BTBD10: variants seen among roughly 807,000 people sequenced by gnomAD.
The protein encoded by BTBD10 is BTB/POZ domain-containing protein 10.
In BTBD10, 21 loss-of-function variants were observed where a neutral mutation model predicts 53.2. The ratio of observed to expected loss-of-function variants is 0.39; its 90% confidence interval spans 0.28 to 0.57. The LOEUF is 0.57. Ranked by LOEUF, BTBD10 falls within the 20% of genes least tolerant of loss-of-function variation. BTBD10 has a pLI of 0.53. For synonymous variants in BTBD10, 149 were observed against 192.7 expected (o/e 0.77, Z 1.88); for missense variants, 360 against 594.7 (o/e 0.61, Z 4.10).
In BTBD10 at chr11:13,445,041, T is replaced by A. The variant is rs754626530; in HGVS notation, c.84A>T (p.Lys28Asn). 1 of 1,611,474 alleles carries A rather than the reference T, an allele frequency of 6.2e-7. No individual in the cohort carries two copies. The highest frequency in any genetic ancestry group is 1.1e-5 in the South Asian group (1 of 90,998). ...WDRKLHSRPR[K>N]LYKHSSTSSR... is the part of the protein sequence containing the mutation. ...CTACCTACCTTGAATGTTTATAAAG[T>A]TTACGAGGTCTACTATGCAATTTCC... The change falls in exon 2 of 9, where the codon AAA becomes AAT. Residue 28 changes from lysine to asparagine, a missense_variant. Physicochemically the swap from Lys to Asn is moderately conservative, Grantham distance 94. Transcript: ENST00000278174.
intron 2 of BTBD10, 79 bp from the exon 3 acceptor site, chr11:13,421,917 C>A: frequency 3.5e-6 from 4 of 1,141,994 alleles, no homozygotes; most frequent in Admixed American, 3.0e-5. Flanking sequence ...ACCCAAGTAA[C>A]AAAAAACTAG....
intron 8 of BTBD10, among the ~76,000 whole-genome samples, chr11:13,394,460 T>C (rs149771106): frequency 0.025 from 3,857 of 152,328 alleles, 66 homozygotes; most frequent in Middle Eastern, 0.051. Flanking sequence ...CTCCCAGTCA[T>C]GCTTCCTGTT....
At chr11:13,409,472 G>C (rs534041963) in intron 6 of BTBD10, among the ~76,000 whole-genome samples, 6 of 152,206 alleles carry the variant, frequency 3.9e-5, no homozygotes, top group African/African-American at 1.4e-4. Flanking sequence ...TTAAATATTT[G>C]TTTAATTCAT....
chr11:13,397,140 G>T (rs1195020710), intron 8 of BTBD10, among the ~76,000 whole-genome samples: 1 of 152,146 alleles, frequency 6.6e-6, no homozygotes, highest in East Asian at 1.9e-4. Context: ...TTGTACCTCT[G>T]GTAGAATTTG....
At position 13,443,469 on chromosome 11, in the gene BTBD10, G is replaced by A. The variant is rs138656615; in HGVS notation, c.101+1555C>T. Among the ~76,000 whole-genome samples the A allele has an allele frequency of 1.8e-4, 27 of 151,696 alleles. No individual in the cohort carries two copies. In the East Asian group the frequency reaches 3.7e-3, roughly 21 times the overall value. Reference sequence around the variant, plus strand: ...TTATATAGTGCAGTATTATACCTTAGCAATCTGTTTTTCAGCAGAAAAACA... The same window carrying A: ...TTATATAGTGCAGTATTATACCTTAACAATCTGTTTTTCAGCAGAAAAACA... On this transcript the variant is annotated intron_variant, in intron 2 of 8. Coordinates refer to ENST00000278174, the MANE Select transcript of BTBD10 (RefSeq NM_032320.7).
At chr11:13,425,907 G>A (rs528106850) in intron 2 of BTBD10, among the ~76,000 whole-genome samples, 7 of 152,072 alleles carry the variant, frequency 4.6e-5, no homozygotes, top group South Asian at 2.1e-4. Context: ...AAAGCACACC[G>A]AATGGAATTA....
At chr11:13,403,497 A>T (rs1949754180) in intron 7 of BTBD10, among the ~76,000 whole-genome samples, 1 of 149,262 alleles carries the variant, frequency 6.7e-6, no homozygotes, top group Non-Finnish European at 1.5e-5. Context: ...AGCTTTGACA[A>T]CCAATCAGAA....
Position 13,413,608 on chromosome 11 carries a change from A to G in BTBD10, c.730T>C (p.Ser244Pro). The change falls in exon 6 of 9, where the codon TCT (serine) becomes CCT (proline). Residue 244 changes from serine (S) to proline (P), a missense_variant. Around this residue, in one of 6 missense-constraint regions of BTBD10, gnomAD observed 91 missense variants for 171.7 expected, o/e 0.53. Coordinates refer to ENST00000278174, the MANE Select transcript of BTBD10 (RefSeq NM_032320.7). Reference protein sequence around the residue: ...TGIIRCPDGISIPELREACDY... With the variant: ...TGIIRCPDGIPIPELREACDY... ...CATGCTTCTCTCAGTTCAGGAATAG[A>G]TATGCCATCAGGACAACGGATTATT... The G allele has an allele frequency of 6.2e-7, 1 of 1,611,834 alleles. No homozygotes were observed. The highest frequency in any genetic ancestry group is 8.5e-7 in the Non-Finnish European group (1 of 1,178,500).
At chr11:13,414,027 T>C (rs899508499) in intron 5 of BTBD10, among the ~76,000 whole-genome samples, 1 of 152,194 alleles carries the variant, frequency 6.6e-6, no homozygotes, top group African/African-American at 2.4e-5. Flanking sequence ...AACATTTTTT[T>C]AAAAAGTAAG....
intron 2 of BTBD10, among the ~76,000 whole-genome samples, chr11:13,430,936 T>C (rs1950435262): frequency 6.7e-6 from 1 of 150,200 alleles, no homozygotes; most frequent in African/African-American, 2.4e-5. Context: ...ATGTATATGC[T>C]CATTATCCTA....
chr11:13,430,262 T>C (rs985328519), intron 2 of BTBD10, among the ~76,000 whole-genome samples: 2 of 151,886 alleles, frequency 1.3e-5, no homozygotes, highest in African/African-American at 4.8e-5. Flanking sequence ...AGATGAAAAA[T>C]AAGTACATGA....
chr11:13,453,259 A>G (rs1950900094), intron 1 of BTBD10, among the ~76,000 whole-genome samples: 1 of 152,158 alleles, frequency 6.6e-6, no homozygotes, highest in African/African-American at 2.4e-5. Flanking sequence ...CCATATTTAC[A>G]CACAAGAAAA....
intron 8 of BTBD10, among the ~76,000 whole-genome samples, chr11:13,395,412 T>G (rs1267018647): frequency 1.3e-5 from 2 of 152,336 alleles, no homozygotes; most frequent in Admixed American, 6.5e-5. Context: ...TAAATTTGTT[T>G]GAGTTCATTG....
At chr11:13,398,413 CTTTAT>C (rs1949616432) in intron 8 of BTBD10, among the ~76,000 whole-genome samples, 1 of 152,096 alleles carries the variant, frequency 6.6e-6, no homozygotes, top group South Asian at 2.1e-4. Flanking sequence ...TCCTCCATCC[CTTTAT>C]TTTGAGCCTA....
At chr11:13,459,060 T>TTA (rs1258064078) in intron 1 of BTBD10, among the ~76,000 whole-genome samples, 11 of 81,710 alleles carry the variant, frequency 1.3e-4, no homozygotes, top group Admixed American at 2.6e-4. Flanking sequence ...ATTTATTTAT[T>TTA]TTTTTTTTTT....
At chr11:13,450,575 T>C (rs1217514003) in intron 1 of BTBD10, among the ~76,000 whole-genome samples, 1 of 152,228 alleles carries the variant, frequency 6.6e-6, no homozygotes, top group Non-Finnish European at 1.5e-5. Context: ...ATTGCTAATC[T>C]ACTCTAAATT....
intron 6 of BTBD10, 21 bp downstream of exon 6, chr11:13,413,509 C>G (rs773178992): frequency 1.9e-6 from 3 of 1,588,320 alleles, no homozygotes; most frequent in Non-Finnish European, 2.6e-6. Context: ...AAACCACTTA[C>G]ACACAAAACA....
intron 8 of BTBD10, among the ~76,000 whole-genome samples, chr11:13,399,709 G>A (rs1591095900): frequency 6.6e-6 from 1 of 152,078 alleles, no homozygotes; most frequent in Non-Finnish European, 1.5e-5. Flanking sequence ...TGATGGTGAC[G>A]TACAGATGGG....
intron 2 of BTBD10, among the ~76,000 whole-genome samples, chr11:13,422,547 C>T (rs1426910515): frequency 6.6e-6 from 1 of 152,044 alleles, no homozygotes; most frequent in Non-Finnish European, 1.5e-5. Context: ...ACTCAGGAGG[C>T]TGGGGCACAA....
Sources: gnomAD v4.1 joint callset for allele counts (sites outside exome capture counted in the v4.1 genomes callset) on GRCh38, gnomAD v4.1.1 for gene constraint, gnomAD v4.1.1 regional missense constraint, MANE v1.5 for transcripts, NCBI Gene and HGNC (gene_info 2026-07-23, HGNC 2026-07-21) for gene names.